Variants in FOXK2 observed in about 807,000 individuals in gnomAD.
FOXK2 encodes forkhead box protein K2.
In FOXK2, 24 loss-of-function variants were observed where a neutral mutation model predicts 53.3. That is an observed-to-expected ratio of 0.45 (90% CI 0.33 to 0.63). The LOEUF is 0.63. Among genes scored for constraint, FOXK2 ranks in the 30% least tolerant of loss-of-function variants. The probability of loss-of-function intolerance (pLI) is 0.03; values close to 1 mark genes in which losing one functional copy is unlikely to be tolerated. For missense variants in FOXK2, 952 were observed against 910.5 expected (o/e 1.05, Z -0.59); for synonymous variants, 505 against 407.1 (o/e 1.24, Z -2.89).
At chr17:82,520,465 A>G (rs1599873011) in intron 1 of FOXK2, among the ~76,000 whole-genome samples, 158 bp downstream of exon 1, 1 of 151,950 alleles carries the variant, frequency 6.6e-6, no homozygotes, top group Non-Finnish European at 1.5e-5. Context: ...GCTGGATCCC[A>G]ACCCTCGACA....
chr17:82,571,889 T>C lies in FOXK2; in HGVS notation c.909+19T>C, dbSNP rs1567978163. On this transcript the variant is annotated intron_variant, in intron 4 of 8. Transcript: ENST00000335255. ...CTGGCAGGTAAATGCCTTCAGTTTGTTGTTAAATAGAGGCTGATGGATACC... is the reference window on the plus strand; with the variant it reads ...CTGGCAGGTAAATGCCTTCAGTTTGCTGTTAAATAGAGGCTGATGGATACC... 2.0e-6 allele frequency: 3 copies of C among 1,535,790 alleles called. No homozygotes were observed. Among genetic ancestry groups the C allele is most frequent in the Non-Finnish European group, 2.6e-6 (3 of 1,146,032 alleles).
intron 4 of FOXK2, among the ~76,000 whole-genome samples, chr17:82,572,465 C>T (rs1256268912): frequency 1.3e-5 from 2 of 151,090 alleles, no homozygotes; most frequent in African/African-American, 4.9e-5. Context: ...AAAATATTCC[C>T]TTTGGTCAGC....
chr17:82,596,380 T>A (rs1251666125), intron 8 of FOXK2, among the ~76,000 whole-genome samples: 1 of 80,216 alleles, frequency 1.2e-5, no homozygotes, highest in African/African-American at 3.7e-5. Flanking sequence ...CCTCAGAGCT[T>A]GGTGTAGGGG....
At chr17:82,564,071 G>T (rs550363656) in intron 2 of FOXK2, among the ~76,000 whole-genome samples, 74 of 145,362 alleles carry the variant, frequency 5.1e-4, no homozygotes, top group Non-Finnish European at 8.9e-4. Context: ...TTCTTTAAAA[G>T]ATGTTTTTAA....
In FOXK2 at chr17:82,523,456, T is replaced by C. The variant is rs1045426393; in HGVS notation, c.419+3149T>C. Among the ~76,000 whole-genome samples the C allele has an allele frequency of 2.0e-5, 3 of 151,092 alleles. No homozygotes were observed. The East Asian group carries it at 5.8e-4, about 29-fold the overall frequency. ...AGAATTGGTACCAGTGAAATGCAGATAAATTGTTTAAAATCTTTTTTTTTT... is the reference window on the plus strand; with the variant it reads ...AGAATTGGTACCAGTGAAATGCAGACAAATTGTTTAAAATCTTTTTTTTTT... On this transcript the variant is annotated intron_variant, in intron 1 of 8. Transcript: ENST00000335255.
chr17:82,550,136 A>T (rs2144090113), intron 1 of FOXK2, among the ~76,000 whole-genome samples: 1 of 152,278 alleles, frequency 6.6e-6, no homozygotes, highest in African/African-American at 2.4e-5. Context: ...GCTTGCAGTG[A>T]GCCATGATTG....
At chr17:82,542,398 C>G (rs1041813349) in intron 1 of FOXK2, among the ~76,000 whole-genome samples, 24 of 152,092 alleles carry the variant, frequency 1.6e-4, no homozygotes, top group African/African-American at 5.8e-4. Context: ...CTCCTGAACT[C>G]AGGTGATCCG....
At chr17:82,545,945 C>T (rs947856595) in intron 1 of FOXK2, among the ~76,000 whole-genome samples, 1 of 152,128 alleles carries the variant, frequency 6.6e-6, no homozygotes, top group African/African-American at 2.4e-5. Context: ...GCCATTTACA[C>T]TGTGTGAGAT....
chr17:82,576,697 C>T, intron 4 of FOXK2: 2 of 1,073,426 alleles, frequency 1.9e-6, no homozygotes. Flanking sequence ...AAGTCTAGTC[C>T]TCGGCCTTCT....
rs1396855649 is a variant in FOXK2 at position 82,569,971 on chromosome 17, C to G, written c.763-1753C>G. ...GCGCAGTGGCTCACGCCTGTAATCC[C>G]CAGCACTTTGGGAGGCCAAGGTGGG... On this transcript the variant is annotated intron_variant, in intron 3 of 8. Coordinates refer to ENST00000335255, the MANE Select transcript of FOXK2 (RefSeq NM_004514.4). Among the ~76,000 whole-genome samples, 3 of 152,326 alleles carry G rather than the reference C, an allele frequency of 2.0e-5. No individual in the cohort carries two copies. In the South Asian group the frequency reaches 6.2e-4, roughly 32 times the overall value.
intron 8 of FOXK2, chr17:82,595,750 G>A (rs1426438946): frequency 2.3e-6 from 3 of 1,287,486 alleles, no homozygotes; most frequent in Non-Finnish European, 3.0e-6. Flanking sequence ...TGGCTCCTGT[G>A]ACTTGGGGTC....
At chr17:82,595,442 C>T (rs192316199) in intron 8 of FOXK2, among the ~76,000 whole-genome samples, 114 of 152,294 alleles carry the variant, frequency 7.5e-4, no homozygotes, top group African/African-American at 2.6e-3. Flanking sequence ...GCCAGGACTA[C>T]AGGCACGTAC....
rs374548358 is a variant in FOXK2 at position 82,576,644 on chromosome 17, A to C, written c.909+4774A>C. 7.0e-6 allele frequency: 8 copies of C among 1,139,560 alleles called. 1 individual carries two copies. The South Asian group carries it at 9.0e-5, about 13-fold the overall frequency. 70.6% of individuals were successfully genotyped at this position (1,139,560 alleles called of 1,614,324 possible). On this transcript the variant is annotated intron_variant, in intron 4 of 8. Coordinates refer to ENST00000335255, the MANE Select transcript of FOXK2 (RefSeq NM_004514.4). ...GCAGATTGTTCTGGGAAGCTGGCACAGAAGATGATTGACACAACGAAGTCA... is the reference window on the plus strand; with the variant it reads ...GCAGATTGTTCTGGGAAGCTGGCACCGAAGATGATTGACACAACGAAGTCA...
At chr17:82,548,613 T>A (rs1305932579) in intron 1 of FOXK2, among the ~76,000 whole-genome samples, 4 of 152,222 alleles carry the variant, frequency 2.6e-5, no homozygotes, top group Non-Finnish European at 5.9e-5. Context: ...TTTCATATAT[T>A]CAAATATTGA....
intron 1 of FOXK2, among the ~76,000 whole-genome samples, chr17:82,558,100 A>G (rs2044751453): frequency 6.6e-6 from 1 of 152,144 alleles, no homozygotes; most frequent in South Asian, 2.1e-4. Flanking sequence ...TGGGAGGCCA[A>G]GACGGGAGGA....
intron 1 of FOXK2, among the ~76,000 whole-genome samples, chr17:82,560,495 C>T (rs192796100): frequency 9.2e-5 from 14 of 152,270 alleles, no homozygotes; most frequent in African/African-American, 1.9e-4. Flanking sequence ...TCCTGGGCTC[C>T]GGCGGTTCCA....
chr17:82,577,554 C>T (rs953584077), intron 4 of FOXK2, among the ~76,000 whole-genome samples: 1 of 152,152 alleles, frequency 6.6e-6, no homozygotes, highest in Non-Finnish European at 1.5e-5. Flanking sequence ...TAGGGCCCCG[C>T]CGGGCCCTCT....
chr17:82,547,785 T>G (rs1177216066), intron 1 of FOXK2, among the ~76,000 whole-genome samples: 9 of 152,288 alleles, frequency 5.9e-5, no homozygotes, highest in African/African-American at 2.2e-4. Context: ...GCAGTCAGCC[T>G]CATCCCCCTG....
intron 3 of FOXK2, among the ~76,000 whole-genome samples, chr17:82,570,959 AG>A (rs2044910755): frequency 6.6e-6 from 1 of 152,120 alleles, no homozygotes; most frequent in Admixed American, 6.5e-5. Context: ...TTCGTGGGCC[AG>A]GGGGCTCCTC....
Sources: gnomAD v4.1 joint callset for allele counts (sites outside exome capture counted in the v4.1 genomes callset) on GRCh38, gnomAD v4.1.1 for gene constraint, MANE v1.5 for transcripts, NCBI Gene and HGNC (gene_info 2026-07-23, HGNC 2026-07-21) for gene names.